The following A4GALT variants were observed in gnomAD, a reference collection of about 807,000 sequenced individuals.
The protein encoded by A4GALT is lactosylceramide 4-alpha-galactosyltransferase.
For missense variants in A4GALT, 512 were observed against 486.0 expected (o/e 1.05, Z -0.50); for synonymous variants, 257 against 220.7 (o/e 1.16, Z -1.46).
intron 1 of A4GALT, chr22:42,718,393 C>G (rs967170808): frequency 6.6e-6 from 1 of 152,198 alleles, no homozygotes; most frequent in Non-Finnish European, 1.5e-5. Flanking sequence ...TCCTGAGTAG[C>G]TGGGATTGCA....
chr22:42,713,829 A>AAGAG lies in A4GALT; in HGVS notation c.-188+6967_-188+6968insCTCT, dbSNP rs1921911809. 2.4e-5 allele frequency among the ~76,000 whole-genome samples: 3 copies of AAGAG among 126,372 alleles called. No homozygotes were observed. The South Asian group carries it at 8.6e-4, about 36-fold the overall frequency. 82.9% of individuals were successfully genotyped at this position (126,372 alleles called of 152,430 possible). A position where few individuals can be genotyped will look rare whatever the true frequency, so the allele number is the denominator to read the frequency against. On this transcript the variant is annotated intron_variant, in intron 1 of 2. Coordinates refer to ENST00000642412, the MANE Select transcript of A4GALT (RefSeq NM_017436.7). The stretch of plus-strand genomic sequence containing the variant: ...CTCTGTCAAAAAAAAAAAAAAAAAA[A>AAGAG]AGACAGACAGACAGACAGACAGACA...
At chr22:42,712,087 C>T (rs1380487107) in intron 1 of A4GALT, among the ~76,000 whole-genome samples, 1 of 152,218 alleles carries the variant, frequency 6.6e-6, no homozygotes, top group East Asian at 1.9e-4. Flanking sequence ...AATCAAGTCA[C>T]ATGCCTTTAG....
intron 2 of A4GALT, among the ~76,000 whole-genome samples, chr22:42,694,329 T>C (rs758513666): frequency 5.3e-5 from 8 of 152,166 alleles, no homozygotes; most frequent in Admixed American, 1.3e-4. Context: ...CTGTCAGAAG[T>C]GATGGCTTCG....
upstream of A4GALT, chr22:42,721,042 C>T (rs867129356): frequency 1.8e-4 from 27 of 152,144 alleles, no homozygotes; most frequent in Middle Eastern, 0.017. Context: ...TGCGGACAGT[C>T]CCCAGTCCGC....
At chr22:42,701,203 G>A (rs926709281) in intron 1 of A4GALT, among the ~76,000 whole-genome samples, 2 of 152,294 alleles carry the variant, frequency 1.3e-5, no homozygotes, top group African/African-American at 4.8e-5. Flanking sequence ...GGAGGACAAC[G>A]GCCTGCACCA....
At chr22:42,704,292 C>CGAGTT (rs1284814971) in intron 1 of A4GALT, among the ~76,000 whole-genome samples, 21 of 152,012 alleles carry the variant, frequency 1.4e-4, no homozygotes, top group African/African-American at 5.1e-4. Context: ...ACTAGCCTGC[C>CGAGTT]CAATATGGTG....
chr22:42,706,082 G>T lies in A4GALT; in HGVS notation c.-187-10451C>A, dbSNP rs1490491406. Among the ~76,000 whole-genome samples the T allele has an allele frequency of 3.6e-5, 4 of 111,708 alleles. 2 individuals are homozygous for T. Among genetic ancestry groups the T allele is most frequent in the Non-Finnish European group, 8.1e-5 (4 of 49,484 alleles). 73.3% of individuals were successfully genotyped at this position (111,708 alleles called of 152,430 possible). A position where few individuals can be genotyped will look rare whatever the true frequency, so the allele number is the denominator to read the frequency against. The stretch of plus-strand genomic sequence containing the variant: ...AAAAAAAAAAAAAAGTTGGCCGGGT[G>T]CGGTGGCTCACGCCTGTAATCTCAG... On this transcript the variant is annotated intron_variant, in intron 1 of 2. Transcript: ENST00000642412.
At chr22:42,695,992 GT>G (rs1930897224) in intron 1 of A4GALT, among the ~76,000 whole-genome samples, 1 of 151,520 alleles carries the variant, frequency 6.6e-6, no homozygotes, top group African/African-American at 2.4e-5. Context: ...GCGCGGTGGT[GT>G]GCGCCTGTAA....
upstream of A4GALT, chr22:42,721,222 A>G (rs1044798619): frequency 2.6e-5 from 4 of 152,062 alleles, no homozygotes; most frequent in African/African-American, 9.7e-5. Context: ...GGTCGGCCTG[A>G]TCCCACCGCC....
rs1490487665 is a variant in A4GALT at position 42,720,800 on chromosome 22, T to C, written c.-191A>G. The C allele has an allele frequency of 6.7e-6, 1 of 148,968 alleles. No individual in the cohort carries two copies. Among genetic ancestry groups the C allele is most frequent in the African/African-American group, 2.5e-5 (1 of 40,748 alleles). 9.2% of individuals were successfully genotyped at this position (148,968 alleles called of 1,614,324 possible). Reference sequence around the variant, plus strand: ...ACATCGGCGCGGCCCCTCGTACCTCTAGCTCCAGCGGCGGCGGGCGGCGGA... The same window carrying C: ...ACATCGGCGCGGCCCCTCGTACCTCCAGCTCCAGCGGCGGCGGGCGGCGGA... On this transcript the variant is annotated 5_prime_UTR_variant, in exon 1 of 3. Coordinates refer to ENST00000642412, the MANE Select transcript of A4GALT (RefSeq NM_017436.7).
intron 1 of A4GALT, among the ~76,000 whole-genome samples, chr22:42,704,494 T>TA (rs68069038): frequency 2.8e-5 from 4 of 143,358 alleles, no homozygotes. Flanking sequence ...ACTCAAAAAA[T>TA]AAAAAAAATA....
At chr22:42,713,689 G>A (rs946891386) in intron 1 of A4GALT, among the ~76,000 whole-genome samples, 5 of 152,026 alleles carry the variant, frequency 3.3e-5, no homozygotes, top group African/African-American at 1.2e-4. Context: ...GTGGGCACCT[G>A]TAATCCCAGC....
intron 1 of A4GALT, among the ~76,000 whole-genome samples, chr22:42,699,246 G>A (rs1356298303): frequency 2.6e-5 from 4 of 152,022 alleles, no homozygotes; most frequent in Non-Finnish European, 4.4e-5. Flanking sequence ...ACCATGCCCG[G>A]CTGATTTTTT....
intron 1 of A4GALT, among the ~76,000 whole-genome samples, chr22:42,720,351 G>T (rs1372365572): frequency 7.0e-6 from 1 of 143,468 alleles, no homozygotes; most frequent in Non-Finnish European, 1.5e-5. Flanking sequence ...CCCCGTCCCC[G>T]GTCGCATCCG....
chr22:42,712,683 T>C (rs977414234), intron 1 of A4GALT, among the ~76,000 whole-genome samples: 9 of 151,910 alleles, frequency 5.9e-5, no homozygotes, highest in African/African-American at 1.9e-4. Context: ...CCGAGGTGAG[T>C]GGATCACTTG....
intron 1 of A4GALT, among the ~76,000 whole-genome samples, chr22:42,712,255 G>A (rs1041792612): frequency 3.9e-5 from 6 of 152,070 alleles, no homozygotes; most frequent in Non-Finnish European, 4.4e-5. Flanking sequence ...GAAATTCCCC[G>A]CAACCCCTCC....
rs1930526427 is a variant in A4GALT, at chr22:42,692,676, A to G, written c.*214T>C. The G allele has an allele frequency of 1.4e-6, 1 of 698,192 alleles. No homozygotes were observed. Among genetic ancestry groups the G allele is most frequent in the Admixed American group, 2.0e-5 (1 of 49,270 alleles). The allele number at this position is 698,192 out of a possible 1,614,324, so 43.2% of individuals were successfully genotyped here. ...ACTCACTGAGCGCCCTCCGCTGGCT[A>G]TGGCACCATGTGTCAGCCCTGCCTC... On this transcript the variant is annotated 3_prime_UTR_variant, in exon 3 of 3. Coordinates refer to ENST00000642412, the MANE Select transcript of A4GALT (RefSeq NM_017436.7). The surrounding 1 kb of genome is among the most constrained non-coding windows in gnomAD (Gnocchi z 4.6).
At chr22:42,706,667 T>G (rs1159101485) in intron 1 of A4GALT, among the ~76,000 whole-genome samples, 2 of 151,480 alleles carry the variant, frequency 1.3e-5, no homozygotes, top group African/African-American at 2.4e-5. Context: ...TGGTGGCAGG[T>G]GCCTGTAGTC....
In A4GALT at chr22:42,710,384, C is replaced by T. The variant is rs954435228; in HGVS notation, c.-188+10413G>A. Among the ~76,000 whole-genome samples the T allele has an allele frequency of 9.9e-5, 15 of 152,216 alleles. 2 individuals carry two copies. The highest frequency in any genetic ancestry group is 4.6e-4 in the Admixed American group (7 of 15,264). ...AACAGTCGCGATACTCAGGGTTAAACTTAACAAAAGATATTAAACATCTAT... is the reference window on the plus strand; with the variant it reads ...AACAGTCGCGATACTCAGGGTTAAATTTAACAAAAGATATTAAACATCTAT... On this transcript the variant is annotated intron_variant, in intron 1 of 2. Coordinates refer to ENST00000642412, the MANE Select transcript of A4GALT (RefSeq NM_017436.7).
Sources: gnomAD v4.1 joint callset for allele counts (sites outside exome capture counted in the v4.1 genomes callset) on GRCh38, gnomAD v4.1.1 for gene constraint, Gnocchi (gnomAD v3.1) non-coding constraint, MANE v1.5 for transcripts, NCBI Gene and HGNC (gene_info 2026-07-23, HGNC 2026-07-21) for gene names.